ADGRV1: variants seen among roughly 807,000 people sequenced by gnomAD.
ADGRV1 encodes the protein adhesion G protein-coupled receptor V1.
In ADGRV1, 359 loss-of-function variants were observed where a neutral mutation model predicts 596.2. The observed-to-expected ratio is 0.60, with a 90% CI of 0.55 to 0.66. ADGRV1 has a LOEUF of 0.66. Ranked by LOEUF, ADGRV1 falls within the 30% of genes least tolerant of loss-of-function variation. The pLI is 0.00. For missense variants in ADGRV1, 7,274 were observed against 7,575.6 expected (o/e 0.96, Z 1.48); for synonymous variants, 2,681 against 2,679.2 (o/e 1.00, Z -0.02).
rs74682820 is a variant in ADGRV1, at chr5:90,835,882, G to A, written c.16612-4696G>A. ...AAAGATCTTTAAACAGAAAGGGAATGATAAAAAGGAAAGAACTTTGGAACA... is the reference window on the plus strand; with the variant it reads ...AAAGATCTTTAAACAGAAAGGGAATAATAAAAAGGAAAGAACTTTGGAACA... On this transcript the variant is annotated intron_variant, in intron 77 of 89. Transcript: ENST00000405460. Among the ~76,000 whole-genome samples the A allele has an allele frequency of 3.5e-3, 534 of 152,218 alleles. 4 individuals carry two copies. Among genetic ancestry groups the A allele is most frequent in the African/African-American group, 0.012 (513 of 41,546 alleles).
chr5:90,991,680 T>C (rs918011048), intron 85 of ADGRV1, among the ~76,000 whole-genome samples: 4 of 152,238 alleles, frequency 2.6e-5, no homozygotes, highest in African/African-American at 9.6e-5. Context: ...ATCCTGCTTC[T>C]GAACTAAATT....
In ADGRV1 at chr5:90,652,209, A is replaced by G. The variant is rs575928259; in HGVS notation, c.3417-137A>G. On this transcript the variant is annotated intron_variant, in intron 18 of 89. Coordinates refer to ENST00000405460, the MANE Select transcript of ADGRV1 (RefSeq NM_032119.4). ...TTCTTCTCTTCCCATGAAATTCTTC[A>G]TAGTTTGCCTCGTAGAACCAGCTGG... 42 of 497,970 alleles carry G rather than the reference A, an allele frequency of 8.4e-5. No individual in the cohort carries two copies. In the South Asian group the frequency reaches 2.5e-3, roughly 30 times the overall value. The allele number at this position is 497,970 out of a possible 1,614,324, so 30.8% of individuals were successfully genotyped here.
At chr5:91,140,598 A>G (rs1446000128) in intron 87 of ADGRV1, among the ~76,000 whole-genome samples, 1 of 152,118 alleles carries the variant, frequency 6.6e-6, no homozygotes, top group Middle Eastern at 3.2e-3. Flanking sequence ...AACCTTTTCT[A>G]TATTATTAAG....
At chr5:90,716,760 G>C in intron 43 of ADGRV1, 31 bp downstream of exon 43, 1 of 1,523,338 alleles carries the variant, frequency 6.6e-7, no homozygotes, top group Non-Finnish European at 9.0e-7. Flanking sequence ...GAGAATGGAA[G>C]TTTATCTTTA....
chr5:90,952,084 A>T (rs1367009365), intron 83 of ADGRV1, among the ~76,000 whole-genome samples: 1 of 152,088 alleles, frequency 6.6e-6, no homozygotes, highest in Non-Finnish European at 1.5e-5. Flanking sequence ...GCTGTCCAAA[A>T]CTTCATTATA....
intron 22 of ADGRV1, among the ~76,000 whole-genome samples, chr5:90,673,228 C>T (rs556890136): frequency 2.0e-5 from 3 of 152,230 alleles, no homozygotes; most frequent in Admixed American, 6.5e-5. Flanking sequence ...TTCCTGAGCA[C>T]GTCAGGCTCT....
chr5:91,012,651 C>T lies in ADGRV1; in HGVS notation c.18152+27129C>T, dbSNP rs76043199. Among the ~76,000 whole-genome samples, 637 of 151,894 alleles carry T rather than the reference C, an allele frequency of 4.2e-3. 4 individuals carry two copies. Among genetic ancestry groups the T allele is most frequent in the African/African-American group, 0.014 (591 of 41,456 alleles). On this transcript the variant is annotated intron_variant, in intron 85 of 89. Transcript: ENST00000405460. ...GTGGAAAACAAAAAGCAGTTTTCTC[C>T]CTCTTGAGACAGGGTCCATGGTAAT...
At chr5:90,853,181 C>G (rs537691811) in intron 79 of ADGRV1, 103 bp from the exon 80 acceptor site, 1 of 1,087,914 alleles carries the variant, frequency 9.2e-7, no homozygotes, top group South Asian at 1.8e-5. Context: ...TATTGTTATA[C>G]ATGAAGAATA....
chr5:90,930,455 CTTTTAT>C (rs1775132913), intron 83 of ADGRV1, among the ~76,000 whole-genome samples: 1 of 152,124 alleles, frequency 6.6e-6, no homozygotes, highest in Non-Finnish European at 1.5e-5. Context: ...AATGGTAATA[CTTTTAT>C]TGCCTGGGTG....
At position 90,750,628 on chromosome 5, in the gene ADGRV1, A is replaced by G. The variant is rs1351785627; in HGVS notation, c.11052A>G (p.Thr3684=). Residue 3684 remains threonine, a synonymous_variant, in exon 53 of 90, where the codon ACA becomes ACG. Coordinates refer to ENST00000405460, the MANE Select transcript of ADGRV1 (RefSeq NM_032119.4). ...VTLNVERLKG[T]YGRITIAWEA... ...TGAACGTTGAACGCTTAAAAGGAAC[A>G]TATGGCCGTATAACCATAGCATGGG... is the stretch of plus-strand genomic sequence containing the variant. 6.2e-7 allele frequency: 1 copy of G among 1,612,324 alleles called. No individual in the cohort carries two copies. The highest frequency in any genetic ancestry group is 1.7e-5 in the Admixed American group (1 of 60,026).
In ADGRV1 at chr5:90,681,364, C is replaced by T. The variant is rs771317730; in HGVS notation, c.5574C>T (p.Asp1858=). ...TTCTAGTGACAATTGCAGCCTCTGA[C>T]CACGCTCATGGCGTATTTGAATTTA... ...SQILVTIAAS[D]HAHGVFEFSP... The change falls in exon 27 of 90, where the codon GAC becomes GAT. Residue 1858 remains aspartate, a synonymous_variant. Coordinates refer to ENST00000405460, the MANE Select transcript of ADGRV1 (RefSeq NM_032119.4). The T allele has an allele frequency of 1.9e-6, 3 of 1,613,850 alleles. No homozygotes were observed. In the Admixed American group the frequency reaches 5.0e-5, roughly 27 times the overall value.
chr5:90,775,410 A>G (rs1157365381), intron 60 of ADGRV1, among the ~76,000 whole-genome samples: 1 of 152,198 alleles, frequency 6.6e-6, no homozygotes, highest in Admixed American at 6.5e-5. Flanking sequence ...TGTTAAAATG[A>G]CAGATGTCAC....
At chr5:91,099,481 G>T (rs1167235909) in intron 86 of ADGRV1, among the ~76,000 whole-genome samples, 2 of 152,224 alleles carry the variant, frequency 1.3e-5, no homozygotes, top group Non-Finnish European at 2.9e-5. Flanking sequence ...TGTGAGGGGT[G>T]CAGTGCTGCC....
intron 2 of ADGRV1, among the ~76,000 whole-genome samples, chr5:90,616,534 G>T (rs1172181228): frequency 6.6e-6 from 1 of 152,104 alleles, no homozygotes; most frequent in Non-Finnish European, 1.5e-5. Context: ...TCCTGACACA[G>T]TTTTTGGCAG....
At chr5:90,937,050 A>T (rs796994650) in intron 83 of ADGRV1, among the ~76,000 whole-genome samples, 42 of 152,250 alleles carry the variant, frequency 2.8e-4, no homozygotes, top group African/African-American at 1.0e-3. Context: ...TCAGTCCATT[A>T]TTCTAATGTA....
intron 33 of ADGRV1, among the ~76,000 whole-genome samples, chr5:90,696,103 G>A (rs1383709437): frequency 6.6e-6 from 1 of 152,092 alleles, no homozygotes; most frequent in Non-Finnish European, 1.5e-5. Flanking sequence ...ACAAAAGAGA[G>A]AACATGCATT....
chr5:90,829,655 T>C (rs1764363569), intron 77 of ADGRV1, among the ~76,000 whole-genome samples: 2 of 152,142 alleles, frequency 1.3e-5, no homozygotes, highest in African/African-American at 4.8e-5. Context: ...ATCCATCCTC[T>C]TAGGTGACAT....
intron 78 of ADGRV1, among the ~76,000 whole-genome samples, chr5:90,843,686 T>C (rs79905182): frequency 0.035 from 5,339 of 152,212 alleles, 326 homozygotes; most frequent in African/African-American, 0.12. Flanking sequence ...TTAAATAAAA[T>C]TTCTCTTAGC....
At chr5:91,128,420 T>C (rs1157053199) in intron 87 of ADGRV1, among the ~76,000 whole-genome samples, 12 of 152,146 alleles carry the variant, frequency 7.9e-5, no homozygotes, top group Admixed American at 7.9e-4. Flanking sequence ...ATTATTTTTG[T>C]CTTTCCCTCA....
Sources: gnomAD v4.1 joint callset for allele counts (sites outside exome capture counted in the v4.1 genomes callset) on GRCh38, gnomAD v4.1.1 for gene constraint, MANE v1.5 for transcripts, NCBI Gene and HGNC (gene_info 2026-07-23, HGNC 2026-07-21) for gene names.